The following FRMD4A variants were observed in gnomAD, a reference collection of about 807,000 sequenced individuals.
The protein encoded by FRMD4A is FERM domain containing 4A, also known as FERM domain-containing protein 4A.
In FRMD4A, 29 loss-of-function variants were observed where a neutral mutation model predicts 129.1. That is an observed-to-expected ratio of 0.22 (90% CI 0.17 to 0.31). The LOEUF (loss-of-function observed/expected upper bound fraction) is 0.31. FRMD4A is among the 10% of genes least tolerant of loss of function. The pLI, the probability that FRMD4A is intolerant of heterozygous loss-of-function variation, is 1.00. For synonymous variants in FRMD4A, 634 were observed against 571.6 expected (o/e 1.11, Z -1.56); for missense variants, 1,272 against 1,375.8 (o/e 0.92, Z 1.19).
chr10:13,695,263 C>T (rs2086107613), intron 14 of FRMD4A, among the ~76,000 whole-genome samples: 2 of 152,044 alleles, frequency 1.3e-5, no homozygotes, highest in Admixed American at 6.6e-5. Context: ...GCCTTAGCCT[C>T]CTGAGTAGTG....
intron 2 of FRMD4A, among the ~76,000 whole-genome samples, chr10:14,125,272 C>G (rs1050094077): frequency 6.6e-6 from 1 of 152,146 alleles, no homozygotes; most frequent in Non-Finnish European, 1.5e-5. Context: ...AGTAGTGTCC[C>G]CAGCTGCTTC....
intron 3 of FRMD4A, among the ~76,000 whole-genome samples, chr10:13,831,402 T>C (rs948886396): frequency 3.3e-5 from 5 of 152,108 alleles, no homozygotes; most frequent in Admixed American, 2.0e-4. Flanking sequence ...TGAGCTATGA[T>C]TGCACCACTG....
chr10:14,186,936 C>T (rs555513237), intron 2 of FRMD4A, among the ~76,000 whole-genome samples: 1 of 148,286 alleles, frequency 6.7e-6, no homozygotes, highest in South Asian at 2.2e-4. Context: ...GCCTGGGCAA[C>T]ATACTGAGAC....
intron 2 of FRMD4A, among the ~76,000 whole-genome samples, chr10:14,064,750 G>A (rs1834976441): frequency 6.6e-6 from 1 of 152,024 alleles, no homozygotes; most frequent in South Asian, 2.1e-4. Flanking sequence ...GCTATTGTTT[G>A]TATTTTTAGT....
chr10:13,774,678 A>C (rs111621270), intron 6 of FRMD4A, among the ~76,000 whole-genome samples: 1 of 152,194 alleles, frequency 6.6e-6, no homozygotes, highest in African/African-American at 2.4e-5. Flanking sequence ...TCACAGGGAC[A>C]CCCACTGGGG....
intron 2 of FRMD4A, among the ~76,000 whole-genome samples, chr10:14,244,326 T>C (rs538320997): frequency 6.6e-6 from 1 of 152,288 alleles, no homozygotes; most frequent in Non-Finnish European, 1.5e-5. Context: ...GGCCCCCTTG[T>C]GGTTAGGTGG....
chr10:13,653,570 A>T (rs934909303), intron 23 of FRMD4A: 2 of 152,272 alleles, frequency 1.3e-5, no homozygotes. Flanking sequence ...CTCATGATTC[A>T]ACTCACAGCC....
intron 2 of FRMD4A, among the ~76,000 whole-genome samples, chr10:13,969,567 A>C (rs1159987638): frequency 6.6e-6 from 1 of 152,196 alleles, no homozygotes; most frequent in African/African-American, 2.4e-5. Flanking sequence ...AAAGACAAAG[A>C]GTGCCAGATG....
chr10:14,035,256 T>C (rs1833442110), intron 2 of FRMD4A, among the ~76,000 whole-genome samples: 1 of 151,364 alleles, frequency 6.6e-6, no homozygotes, highest in Admixed American at 6.6e-5. Flanking sequence ...CTCCTAAAAA[T>C]ACAAAATTAG....
In FRMD4A at chr10:14,094,702, T is replaced by C. The variant is rs116294764; in HGVS notation, c.45+235356A>G. Among the ~76,000 whole-genome samples, 869 of 152,316 alleles carry C rather than the reference T, an allele frequency of 5.7e-3. 4 individuals carry two copies. Among genetic ancestry groups the C allele is most frequent in the African/African-American group, 0.02 (825 of 41,570 alleles). Reference sequence around the variant, plus strand: ...GCATGCAGTTGGCAAGAGTGATCTTTGGTGACTCTGTTCTGTCCAGGTTCT... The same window carrying C: ...GCATGCAGTTGGCAAGAGTGATCTTCGGTGACTCTGTTCTGTCCAGGTTCT... On this transcript the variant is annotated intron_variant, in intron 2 of 24. Transcript: ENST00000357447.
chr10:13,981,634 G>C (rs1169056319), intron 2 of FRMD4A, among the ~76,000 whole-genome samples: 1 of 151,078 alleles, frequency 6.6e-6, no homozygotes, highest in Non-Finnish European at 1.5e-5. Flanking sequence ...AGCTACTCAG[G>C]AAGCTGAGGC....
intron 2 of FRMD4A, among the ~76,000 whole-genome samples, chr10:14,107,827 A>G (rs914311542): frequency 2.6e-5 from 4 of 152,198 alleles, no homozygotes; most frequent in East Asian, 1.9e-4. Flanking sequence ...CTGGACCACA[A>G]CTTATTTACT....
rs530108501 is a variant in FRMD4A at position 13,841,598 on chromosome 10, C to T, written c.111+17249G>A. ...ATGCTGAGACTCAGTGGAGCCTTCC[C>T]GTTGGTGAAAAGAATCAATGTGCCA... On this transcript the variant is annotated intron_variant, in intron 3 of 24. Transcript: ENST00000357447. Among the ~76,000 whole-genome samples the T allele has an allele frequency of 8.0e-4, 122 of 152,256 alleles. No individual in the cohort carries two copies. The South Asian group carries it at 0.021, about 26-fold the overall frequency.
chr10:13,707,233 C>G (rs1251248500), intron 12 of FRMD4A, 120 bp from the exon 13 acceptor site: 12 of 781,926 alleles, frequency 1.5e-5, no homozygotes, highest in Non-Finnish European at 2.3e-5. Context: ...AGACCGTAGT[C>G]TGTGCCTCCT....
intron 2 of FRMD4A, among the ~76,000 whole-genome samples, chr10:14,069,517 G>C (rs1320083512): frequency 6.6e-6 from 1 of 152,130 alleles, no homozygotes; most frequent in Non-Finnish European, 1.5e-5. Context: ...GCTCTGGGGA[G>C]CCATGAAGAA....
At chr10:13,976,172 T>C (rs2131394512) in intron 2 of FRMD4A, among the ~76,000 whole-genome samples, 2 of 152,262 alleles carry the variant, frequency 1.3e-5, no homozygotes, top group Admixed American at 1.3e-4. Context: ...TTGAGTTAGC[T>C]GGCCAGATGG....
chr10:13,734,731 G>A (rs2090524386), intron 12 of FRMD4A, among the ~76,000 whole-genome samples: 1 of 152,100 alleles, frequency 6.6e-6, no homozygotes, highest in East Asian at 1.9e-4. Context: ...TCAGACACTG[G>A]CTGGATTATC....
At chr10:13,670,111 T>A (rs2083394750) in intron 17 of FRMD4A, among the ~76,000 whole-genome samples, 1 of 152,112 alleles carries the variant, frequency 6.6e-6, no homozygotes, top group African/African-American at 2.4e-5. Flanking sequence ...CAAAGCCAAA[T>A]ACACGTGAAT....
chr10:14,124,679 TACAACAACA>T (rs367833993), intron 2 of FRMD4A, among the ~76,000 whole-genome samples: 13 of 151,894 alleles, frequency 8.6e-5, no homozygotes, highest in African/African-American at 3.1e-4. Flanking sequence ...TTGTCTCAAC[TACAACAACA>T]ACAACAACAA....
Sources: gnomAD v4.1 joint callset for allele counts (sites outside exome capture counted in the v4.1 genomes callset) on GRCh38, gnomAD v4.1.1 for gene constraint, MANE v1.5 for transcripts, NCBI Gene and HGNC (gene_info 2026-07-23, HGNC 2026-07-21) for gene names.